The following BACH2 variants were observed in gnomAD, a reference collection of about 807,000 sequenced individuals.
BACH2 encodes the protein transcription regulator protein BACH2.
BACH2 carries 5 observed loss-of-function variants against 61.8 expected under a neutral mutation model. That is an observed-to-expected ratio of 0.08 (90% confidence interval 0.04 to 0.17). BACH2 has a LOEUF of 0.17. Ranked by LOEUF, BACH2 falls within the 10% of genes least tolerant of loss-of-function variation. The pLI is 1.00. For missense variants in BACH2, 824 were observed against 1,091.1 expected (o/e 0.76, Z 3.45); for synonymous variants, 446 against 440.1 (o/e 1.01, Z -0.17).
chr6:90,170,442 A>G (rs1767773901), intron 4 of BACH2, among the ~76,000 whole-genome samples: 1 of 152,172 alleles, frequency 6.6e-6, no homozygotes, highest in African/African-American at 2.4e-5. Context: ...GTCTGCTTTA[A>G]TCACTGATAC....
intron 5 of BACH2, among the ~76,000 whole-genome samples, chr6:90,031,068 A>G (rs1489761703): frequency 1.3e-5 from 2 of 150,556 alleles, no homozygotes; most frequent in East Asian, 2.0e-4. Context: ...ATCAATAAAC[A>G]TAATCCAACA....
chr6:90,080,008 A>AGT (rs1267373360), intron 5 of BACH2, among the ~76,000 whole-genome samples: 1 of 151,854 alleles, frequency 6.6e-6, no homozygotes, highest in Admixed American at 6.6e-5. Flanking sequence ...TATGTCAGTC[A>AGT]GTGTACAGAC....
chr6:90,257,762 T>C lies in BACH2; in HGVS notation c.-352-5172A>G, dbSNP rs145513116. 1.5e-4 allele frequency among the ~76,000 whole-genome samples: 23 copies of C among 152,262 alleles called. 1 individual carries two copies. In the East Asian group the frequency reaches 3.9e-3, roughly 26 times the overall value. The stretch of plus-strand genomic sequence containing the variant: ...CTTTACTGTACAGAAACTTTCTAGT[T>C]TGGTGTAGTCCCATTTATTTATTTT... On this transcript the variant is annotated intron_variant, in intron 2 of 8. Coordinates refer to ENST00000257749, the MANE Select transcript of BACH2 (RefSeq NM_021813.4).
chr6:90,202,637 T>C (rs1459860088), intron 4 of BACH2, among the ~76,000 whole-genome samples: 1 of 152,184 alleles, frequency 6.6e-6, no homozygotes, highest in Non-Finnish European at 1.5e-5. Flanking sequence ...GAGAGGGTCA[T>C]TTTGTATAAT....
chr6:90,074,864 C>G (rs1032696889), intron 5 of BACH2, among the ~76,000 whole-genome samples: 4 of 152,138 alleles, frequency 2.6e-5, no homozygotes, highest in African/African-American at 9.7e-5. Context: ...AGGAGCTCCC[C>G]CTTTCTCCCT....
chr6:90,146,446 G>A (rs1375240471), intron 4 of BACH2, among the ~76,000 whole-genome samples: 1 of 152,200 alleles, frequency 6.6e-6, no homozygotes, highest in African/African-American at 2.4e-5. Flanking sequence ...ATACGATTCT[G>A]AGGCACAGAT....
chr6:90,034,141 G>A (rs1301415052), intron 5 of BACH2, among the ~76,000 whole-genome samples: 2 of 152,102 alleles, frequency 1.3e-5, no homozygotes, highest in East Asian at 3.8e-4. Flanking sequence ...GTGACTGCTG[G>A]TTATTTAGTT....
intron 2 of BACH2, among the ~76,000 whole-genome samples, chr6:90,258,264 A>G (rs903255275): frequency 3.3e-5 from 5 of 152,158 alleles, no homozygotes; most frequent in African/African-American, 1.2e-4. Context: ...TAACAGTCCA[A>G]TTCCATTCTT....
chr6:89,991,593 C>T (rs973602580), intron 6 of BACH2, among the ~76,000 whole-genome samples: 5 of 152,146 alleles, frequency 3.3e-5, no homozygotes, highest in Non-Finnish European at 7.3e-5. Context: ...AGAACGAGAA[C>T]ATTCTACATA....
intron 5 of BACH2, among the ~76,000 whole-genome samples, chr6:90,017,307 T>C (rs934835806): frequency 2.6e-5 from 4 of 152,030 alleles, no homozygotes; most frequent in African/African-American, 9.7e-5. Flanking sequence ...GCAACCACTG[T>C]CTCCTGGGTT....
intron 6 of BACH2, among the ~76,000 whole-genome samples, chr6:90,002,490 G>T (rs1777186753): frequency 6.6e-6 from 1 of 152,132 alleles, no homozygotes; most frequent in Non-Finnish European, 1.5e-5. Context: ...AAAATAGAAG[G>T]CCGGGCATGG....
At chr6:90,167,758 C>A (rs1767679466) in intron 4 of BACH2, among the ~76,000 whole-genome samples, 1 of 152,182 alleles carries the variant, frequency 6.6e-6, no homozygotes, top group African/African-American at 2.4e-5. Context: ...TCACTTTATT[C>A]AATGATTGAG....
At chr6:90,116,813 T>C (rs1582382609) in intron 4 of BACH2, 1 of 512,000 alleles carries the variant, frequency 2.0e-6, no homozygotes, top group Non-Finnish European at 3.5e-6. Flanking sequence ...CACTTCTATG[T>C]AGAGGTGTTC....
intron 6 of BACH2, among the ~76,000 whole-genome samples, chr6:89,976,111 T>C (rs770822663): frequency 1.3e-4 from 20 of 152,174 alleles, no homozygotes; most frequent in Non-Finnish European, 1.8e-4. Context: ...ACTTCTCCTA[T>C]AGCAAGCAAG....
chr6:90,188,875 C>T (rs569849105), intron 4 of BACH2, among the ~76,000 whole-genome samples: 349 of 151,792 alleles, frequency 2.3e-3, no homozygotes, highest in African/African-American at 8.0e-3. Context: ...AACATTTTGC[C>T]TCCTCTTGAC....
intron 4 of BACH2, among the ~76,000 whole-genome samples, chr6:90,097,285 TAGTG>T (rs777151706): frequency 4.6e-5 from 7 of 152,006 alleles, no homozygotes; most frequent in Non-Finnish European, 5.9e-5. Flanking sequence ...TTTTTAAAAA[TAGTG>T]AGTTTAAACT....
intron 6 of BACH2, among the ~76,000 whole-genome samples, chr6:89,977,550 C>A (rs150637443): frequency 2.0e-5 from 3 of 152,154 alleles, no homozygotes; most frequent in African/African-American, 7.2e-5. Flanking sequence ...ATACTAAAAA[C>A]GGTGTAAGAA....
At chr6:90,255,072 A>T (rs577955732) in intron 2 of BACH2, among the ~76,000 whole-genome samples, 15 of 152,210 alleles carry the variant, frequency 9.9e-5, no homozygotes, top group Non-Finnish European at 2.1e-4. Context: ...TTTCTAGCCC[A>T]CATAAATAAT....
intron 4 of BACH2, among the ~76,000 whole-genome samples, chr6:90,118,101 C>A (rs1056993929): frequency 7.9e-5 from 12 of 152,036 alleles, no homozygotes; most frequent in Admixed American, 5.9e-4. Flanking sequence ...ATGTAAGGGT[C>A]CTTAAAGTTG....
Sources: allele counts gnomAD v4.1 joint callset (sites outside exome capture counted in the v4.1 genomes callset), GRCh38; gene constraint gnomAD v4.1.1; transcripts MANE v1.5; gene names NCBI Gene and HGNC (gene_info 2026-07-23, HGNC 2026-07-21).